BCL11B: variants seen among roughly 807,000 people sequenced by gnomAD.
BCL11B encodes the protein B-cell lymphoma/leukemia 11B.
BCL11B carries 8 observed loss-of-function variants against 49.9 expected under a neutral mutation model. That is an observed-to-expected ratio of 0.16 (90% CI 0.09 to 0.29). The LOEUF (loss-of-function observed/expected upper bound fraction) is 0.29. Ranked by LOEUF, BCL11B falls within the 10% of genes least tolerant of loss-of-function variation. The probability of loss-of-function intolerance (pLI) is 1.00; values close to 1 mark genes in which losing one functional copy is unlikely to be tolerated. For synonymous variants in BCL11B, 739 were observed against 637.4 expected, an observed-to-expected ratio of 1.16 and a Z score of -2.40; for missense variants, 1,006 against 1,351.0, an observed-to-expected ratio of 0.74 and a Z score of 4.00.
intron 3 of BCL11B, among the ~76,000 whole-genome samples, chr14:99,177,940 G>A (rs955391607): frequency 2.0e-5 from 3 of 152,106 alleles, no homozygotes; most frequent in Non-Finnish European, 2.9e-5. Context: ...CAAGTGACTC[G>A]GGGACCAAAT....
At chr14:99,245,784 G>A (rs552594367) in intron 2 of BCL11B, among the ~76,000 whole-genome samples, 28 of 152,296 alleles carry the variant, frequency 1.8e-4, no homozygotes, top group African/African-American at 6.3e-4. Flanking sequence ...GACTGGTGGA[G>A]GAGGGGCGGC....
chr14:99,242,341 C>G lies in BCL11B; in HGVS notation c.428-10784G>C, dbSNP rs1002777526. 3.3e-5 allele frequency among the ~76,000 whole-genome samples: 5 copies of G among 152,290 alleles called. No homozygotes were observed. The Middle Eastern group carries it at 0.017, about 518-fold the overall frequency. On this transcript the variant is annotated intron_variant, in intron 2 of 3. Coordinates refer to ENST00000357195, the MANE Select transcript of BCL11B (RefSeq NM_138576.4). This position sits in a 1 kb window ranked among gnomAD's most constrained non-coding sequence, Gnocchi z 4.4. ...CATGTGGGCTGGGTACAGCGACAGG[C>G]GGAGAGGCCCGTCAGGTTGGGAGGG...
chr14:99,234,479 G>A (rs747344606), intron 2 of BCL11B, among the ~76,000 whole-genome samples: 1 of 152,142 alleles, frequency 6.6e-6, no homozygotes, highest in Non-Finnish European at 1.5e-5. Context: ...ACCCACACAC[G>A]CACAGAGGAA....
In BCL11B at chr14:99,174,702, G is replaced by A. The variant is rs752852673; in HGVS notation, c.2134C>T (p.Leu712=). 2 of 1,570,302 alleles carry A rather than the reference G, an allele frequency of 1.3e-6. No individual in the cohort carries two copies. The highest frequency in any genetic ancestry group is 1.1e-5 in the South Asian group (1 of 87,522). Residue 712 remains leucine, a synonymous_variant, in exon 4 of 4, where the codon CTG becomes TTG. Transcript: ENST00000357195. ...TGCCGCGACGCCGCGTAGCCCACCA[G>A]CCACTGCGAGTACACGTTCTCGGAC... ...IPSENVYSQW[L]VGYAASRHFM...
intron 3 of BCL11B, among the ~76,000 whole-genome samples, chr14:99,214,994 C>T (rs1887791969): frequency 6.6e-6 from 1 of 152,160 alleles, no homozygotes; most frequent in African/African-American, 2.4e-5. Context: ...CCTGACGGCA[C>T]TGTCACCTGG....
Position 99,175,645 on chromosome 14 carries a change from G to A in BCL11B, c.1191C>T (p.Pro397=), listed in dbSNP as rs748618748. The part of the protein sequence containing the change: ...PMHRLLNPFQ[P]SPKSPFLSTP... ...TGCTCAGGAACGGGGACTTGGGGCT[G>A]GGCTGGAAGGGGTTCAGGAGCCGGT... The change falls in exon 4 of 4, where the codon CCC becomes CCT. Residue 397 remains proline (P), a synonymous_variant. Coordinates refer to ENST00000357195, the MANE Select transcript of BCL11B (RefSeq NM_138576.4). 1.9e-6 allele frequency: 3 copies of A among 1,560,388 alleles called. No homozygotes were observed. In the East Asian group the frequency reaches 7.0e-5, roughly 36 times the overall value.
chr14:99,246,382 G>A (rs1340942365), intron 2 of BCL11B, among the ~76,000 whole-genome samples: 1 of 152,246 alleles, frequency 6.6e-6, no homozygotes, highest in Non-Finnish European at 1.5e-5. Flanking sequence ...GCGGGTCAAA[G>A]AGAGAGGGAA....
chr14:99,202,513 C>T (rs1887414877), intron 3 of BCL11B, among the ~76,000 whole-genome samples: 1 of 152,212 alleles, frequency 6.6e-6, no homozygotes, highest in Admixed American at 6.5e-5. Context: ...AGAGGACAGC[C>T]CAGCCCTGGG....
Position 99,175,939 on chromosome 14 carries a change from C to T in BCL11B, c.897G>A (p.Leu299=), listed in dbSNP as rs1029128266. ...CCTCGCCGAAGCCCGGGTGGTCCCG[C>T]AGGATGGGGCCCGTCATGCGCAGCA... The part of the protein sequence containing the change: ...FNLLRMTGPI[L]RDHPGFGEGR... Residue 299 remains leucine, a synonymous_variant, in exon 4 of 4, where the codon CTG becomes CTA. Coordinates refer to ENST00000357195, the MANE Select transcript of BCL11B (RefSeq NM_138576.4). The T allele has an allele frequency of 1.4e-6, 2 of 1,449,224 alleles. No individual in the cohort carries two copies. Among genetic ancestry groups the T allele is most frequent in the African/African-American group, 1.5e-5 (1 of 67,344 alleles). 89.8% of individuals were successfully genotyped at this position (1,449,224 alleles called of 1,614,324 possible).
chr14:99,183,337 A>G (rs537707357), intron 3 of BCL11B, among the ~76,000 whole-genome samples: 1 of 152,250 alleles, frequency 6.6e-6, no homozygotes, highest in East Asian at 1.9e-4. Context: ...TTTATTTAAA[A>G]TTCATCTTCC....
At position 99,248,346 on chromosome 14, in the gene BCL11B, C is replaced by T. The variant is rs531557695; in HGVS notation, c.427+9125G>A. The stretch of plus-strand genomic sequence containing the variant: ...GGCCTCTTCTTCCCTGGGTCCAACT[C>T]GAGGCTTGCAAGTCCTGATCACACC... On this transcript the variant is annotated intron_variant, in intron 2 of 3. Coordinates refer to ENST00000357195, the MANE Select transcript of BCL11B (RefSeq NM_138576.4). The surrounding 1 kb of genome is among the most constrained non-coding windows in gnomAD (Gnocchi z 4.7). Among the ~76,000 whole-genome samples, 7 of 152,298 alleles carry T rather than the reference C, an allele frequency of 4.6e-5. No individual in the cohort carries two copies. The East Asian group carries it at 7.7e-4, about 17-fold the overall frequency.
intron 3 of BCL11B, among the ~76,000 whole-genome samples, chr14:99,201,997 C>T (rs1386309847): frequency 1.3e-5 from 2 of 151,980 alleles, no homozygotes; most frequent in East Asian, 1.9e-4. Flanking sequence ...TCTTTTTTTT[C>T]GGTAGAGACA....
intron 1 of BCL11B, among the ~76,000 whole-genome samples, chr14:99,266,720 C>T (rs953617631): frequency 6.6e-6 from 1 of 152,248 alleles, no homozygotes; most frequent in South Asian, 2.1e-4. Flanking sequence ...AGCCATGACA[C>T]GGGCACCGAG....
intron 3 of BCL11B, among the ~76,000 whole-genome samples, chr14:99,178,600 G>T (rs1886608235): frequency 6.6e-6 from 1 of 152,190 alleles, no homozygotes; most frequent in South Asian, 2.1e-4. Context: ...GCACGCCTTA[G>T]CTCAGACAGC....
In BCL11B at chr14:99,230,628, G is replaced by A. The variant is rs551173931; in HGVS notation, c.640+717C>T. On this transcript the variant is annotated intron_variant, in intron 3 of 3. Transcript: ENST00000357195. ...CTTGGGGAGAAGCAGGGCAGGTAGA[G>A]GCCAGTTTGTGTCACCACACCGGCC... Among the ~76,000 whole-genome samples, 517 of 152,328 alleles carry A rather than the reference G, an allele frequency of 3.4e-3. 3 individuals are homozygous for A. The highest frequency in any genetic ancestry group is 6.8e-3 in the Middle Eastern group (2 of 294).
In BCL11B at chr14:99,171,226, C is replaced by CA; in HGVS notation, c.*2924dup. 4.4e-6 allele frequency: 1 copy of CA among 227,836 alleles called. No homozygotes were observed. Among genetic ancestry groups the CA allele is most frequent in the Non-Finnish European group, 8.7e-6 (1 of 114,518 alleles). The allele number at this position is 227,836 out of a possible 1,614,324, so 14.1% of individuals were successfully genotyped here. A position where few individuals can be genotyped will look rare whatever the true frequency, so the allele number is the denominator to read the frequency against. On this transcript the variant is annotated 3_prime_UTR_variant, in exon 4 of 4. Transcript: ENST00000357195. ...GGTTCTCTGTGTAGGCCAATTCCGACAAAAAATATATACAACTAAATGATT... is the reference window on the plus strand; with the variant it reads ...GGTTCTCTGTGTAGGCCAATTCCGACAAAAAAATATATACAACTAAATGATT...
intron 3 of BCL11B, among the ~76,000 whole-genome samples, chr14:99,220,688 T>C (rs1415898509): frequency 6.6e-6 from 1 of 152,066 alleles, no homozygotes; most frequent in Non-Finnish European, 1.5e-5. Flanking sequence ...AATGTACTTA[T>C]TGCCACCGAA....
chr14:99,234,727 T>G (rs1386831100), intron 2 of BCL11B, among the ~76,000 whole-genome samples: 1 of 152,102 alleles, frequency 6.6e-6, no homozygotes, highest in African/African-American at 2.4e-5. Flanking sequence ...CCACTCCCTA[T>G]GGTCCTTTCC....
chr14:99,232,497 G>A lies in BCL11B; in HGVS notation c.428-940C>T, dbSNP rs1473618214. On this transcript the variant is annotated intron_variant, in intron 2 of 3. Coordinates refer to ENST00000357195, the MANE Select transcript of BCL11B (RefSeq NM_138576.4). The surrounding 1 kb of genome is among the most constrained non-coding windows in gnomAD (Gnocchi z 5.1). ...AGCATCAGAGAGACAAAAAGGAAAC[G>A]TCAACAAGAGGATGGGCAGCTGGGC... 1.3e-5 allele frequency among the ~76,000 whole-genome samples: 2 copies of A among 152,226 alleles called. No homozygotes were observed. Among genetic ancestry groups the A allele is most frequent in the South Asian group, 4.1e-4 (2 of 4,834 alleles).
Sources: allele counts gnomAD v4.1 joint callset (sites outside exome capture counted in the v4.1 genomes callset), GRCh38; gene constraint gnomAD v4.1.1; non-coding constraint Gnocchi (gnomAD v3.1); transcripts MANE v1.5; gene names NCBI Gene and HGNC (gene_info 2026-07-23, HGNC 2026-07-21).